NOL4: variants seen among roughly 807,000 people sequenced by gnomAD.
The protein encoded by NOL4 is cancer/testis antigen 125.
Under a neutral mutation model 75.9 loss-of-function variants are expected in NOL4, and 17 were observed. The ratio of observed to expected loss-of-function variants is 0.22; its 90% CI spans 0.15 to 0.34. The LOEUF (loss-of-function observed/expected upper bound fraction) is 0.34. Ranked by LOEUF, NOL4 falls within the 10% of genes least tolerant of loss-of-function variation. NOL4 has a pLI of 1.00. For missense variants in NOL4, 614 were observed against 793.5 expected, an observed-to-expected ratio of 0.77 and a Z score of 2.72; for synonymous variants, 292 against 289.9, an observed-to-expected ratio of 1.01 and a Z score of -0.07.
At chr18:34,036,846 C>T (rs530968615) in intron 5 of NOL4, among the ~76,000 whole-genome samples, 28 of 152,240 alleles carry the variant, frequency 1.8e-4, no homozygotes, top group Middle Eastern at 3.4e-3. Flanking sequence ...GCAGGAGAAT[C>T]GCTTGAACCC....
chr18:34,137,673 G>T (rs2080948818), intron 1 of NOL4, among the ~76,000 whole-genome samples: 1 of 151,832 alleles, frequency 6.6e-6, no homozygotes, highest in African/African-American at 2.4e-5. Context: ...ATTGCTGGTG[G>T]GAATGCAAAA....
intron 6 of NOL4, among the ~76,000 whole-genome samples, chr18:33,999,218 G>C (rs908366884): frequency 6.7e-6 from 1 of 150,254 alleles, no homozygotes; most frequent in African/African-American, 2.5e-5. Flanking sequence ...TAGTTTATTG[G>C]CTGTGTGCTC....
At chr18:33,976,942 G>A (rs1385177782) in intron 6 of NOL4, among the ~76,000 whole-genome samples, 1 of 152,108 alleles carries the variant, frequency 6.6e-6, no homozygotes, top group African/African-American at 2.4e-5. Context: ...CAATGGAATT[G>A]CCCAGCCTGG....
chr18:34,118,553 G>C (rs1414998992), intron 2 of NOL4, among the ~76,000 whole-genome samples: 1 of 152,140 alleles, frequency 6.6e-6, no homozygotes, highest in Non-Finnish European at 1.5e-5. Flanking sequence ...CTCTATCTGA[G>C]GAAAATAAAT....
At chr18:34,098,042 G>A (rs2078869135) in intron 4 of NOL4, among the ~76,000 whole-genome samples, 1 of 152,072 alleles carries the variant, frequency 6.6e-6, no homozygotes, top group African/African-American at 2.4e-5. Context: ...GTTAATAAAG[G>A]AGGTTGGGGT....
intron 6 of NOL4, among the ~76,000 whole-genome samples, chr18:33,965,561 G>A (rs2070515789): frequency 6.6e-6 from 1 of 152,112 alleles, no homozygotes; most frequent in Non-Finnish European, 1.5e-5. Context: ...ATGTATCATG[G>A]GAGAGACCCA....
intron 1 of NOL4, among the ~76,000 whole-genome samples, chr18:34,199,895 T>G (rs182421800): frequency 1.4e-4 from 22 of 152,014 alleles, no homozygotes; most frequent in Non-Finnish European, 2.1e-4. Flanking sequence ...GCTTGCTGAA[T>G]AAGCACACGG....
rs141620305 is a variant in NOL4, at chr18:34,151,490, T to C, written c.265-21470A>G. 1.4e-4 allele frequency among the ~76,000 whole-genome samples: 22 copies of C among 151,908 alleles called. No homozygotes were observed. The East Asian group carries it at 2.7e-3, about 19-fold the overall frequency. On this transcript the variant is annotated intron_variant, in intron 1 of 10. Coordinates refer to ENST00000261592, the MANE Select transcript of NOL4 (RefSeq NM_003787.5). ...ACTATATGGTTCCAAATATCTGACC[T>C]TCTGGAAGAAGGCAAAACTAAGGAG... is the stretch of plus-strand genomic sequence containing the variant.
intron 9 of NOL4, among the ~76,000 whole-genome samples, chr18:33,910,276 T>G (rs1375288780): frequency 6.6e-6 from 1 of 152,190 alleles, no homozygotes; most frequent in Non-Finnish European, 1.5e-5. Flanking sequence ...ATACCCACTG[T>G]GAACTTAAGT....
intron 5 of NOL4, among the ~76,000 whole-genome samples, chr18:34,026,483 A>G (rs1007464846): frequency 1.3e-5 from 2 of 152,086 alleles, no homozygotes; most frequent in Non-Finnish European, 2.9e-5. Flanking sequence ...TCTGTTATCA[A>G]TTCCAGAGTT....
chr18:34,139,801 C>G (rs112681727), intron 1 of NOL4, among the ~76,000 whole-genome samples: 122 of 152,254 alleles, frequency 8.0e-4, no homozygotes, highest in African/African-American at 2.9e-3. Flanking sequence ...TTCCTGCTTT[C>G]TCTTGTGGGC....
At chr18:33,988,348 T>G (rs1379307742) in intron 6 of NOL4, among the ~76,000 whole-genome samples, 7 of 152,004 alleles carry the variant, frequency 4.6e-5, no homozygotes, top group Non-Finnish European at 1.0e-4. Flanking sequence ...AAGGTGGAGA[T>G]TTCAGTTTCA....
In NOL4 at chr18:34,047,402, A is replaced by G. The variant is rs115706094; in HGVS notation, c.773-27801T>C. ...AAATATATGTTATAAATATATAAAC[A>G]TGATGGAAACAATTAAAAAACATCA... On this transcript the variant is annotated intron_variant, in intron 5 of 10. Coordinates refer to ENST00000261592, the MANE Select transcript of NOL4 (RefSeq NM_003787.5). Among the ~76,000 whole-genome samples the G allele has an allele frequency of 3.5e-3, 528 of 152,260 alleles. 5 individuals are homozygous for G. Among genetic ancestry groups the G allele is most frequent in the African/African-American group, 0.012 (483 of 41,578 alleles).
At chr18:34,191,924 T>A (rs995574915) in intron 1 of NOL4, among the ~76,000 whole-genome samples, 14 of 152,072 alleles carry the variant, frequency 9.2e-5, no homozygotes, top group Non-Finnish European at 1.5e-4. Flanking sequence ...TACCAACCTA[T>A]TCTCCCCCTA....
Position 34,014,006 on chromosome 18 carries a change from A to G in NOL4, c.1056+5312T>C, listed in dbSNP as rs115476918. On this transcript the variant is annotated intron_variant, in intron 6 of 10. Transcript: ENST00000261592. ...AATTGAACCAATAATGAGCAGGAATATCCATATAACAAAGACAAAGATAAT... is the reference window on the plus strand; with the variant it reads ...AATTGAACCAATAATGAGCAGGAATGTCCATATAACAAAGACAAAGATAAT... 1.1e-3 allele frequency among the ~76,000 whole-genome samples: 165 copies of G among 152,088 alleles called. 3 individuals are homozygous for G. The highest frequency in any genetic ancestry group is 3.7e-3 in the African/African-American group (155 of 41,502).
chr18:34,062,707 T>A (rs987189119), intron 5 of NOL4, among the ~76,000 whole-genome samples: 2 of 152,052 alleles, frequency 1.3e-5, no homozygotes, highest in Non-Finnish European at 2.9e-5. Flanking sequence ...TTTTTGTATA[T>A]CAAAATAAAA....
intron 1 of NOL4, among the ~76,000 whole-genome samples, chr18:34,201,946 T>G (rs1176915867): frequency 6.6e-6 from 1 of 151,834 alleles, no homozygotes; most frequent in Non-Finnish European, 1.5e-5. Context: ...TTATTCTATA[T>G]GGGAAATTTT....
intron 6 of NOL4, among the ~76,000 whole-genome samples, chr18:34,016,319 G>A (rs2074690548): frequency 1.3e-5 from 2 of 151,748 alleles, no homozygotes; most frequent in South Asian, 4.1e-4. Flanking sequence ...CTTTTTTCTA[G>A]TGCCTATCCT....
chr18:34,140,207 G>C (rs1310159071), intron 1 of NOL4, among the ~76,000 whole-genome samples: 4 of 152,184 alleles, frequency 2.6e-5, no homozygotes, highest in Non-Finnish European at 5.9e-5. Context: ...GCTTGGTGCA[G>C]AGCTGAGTTC....
Sources: allele counts gnomAD v4.1 joint callset (sites outside exome capture counted in the v4.1 genomes callset), GRCh38; gene constraint gnomAD v4.1.1; transcripts MANE v1.5; gene names NCBI Gene and HGNC (gene_info 2026-07-23, HGNC 2026-07-21).